Variants in KIAA1671 observed in about 807,000 individuals in gnomAD.
The protein encoded by KIAA1671 is KIAA1671.
In KIAA1671, 52 loss-of-function variants were observed where a neutral mutation model predicts 131.2. That is an observed-to-expected ratio of 0.40 (90% confidence interval 0.32 to 0.50). The LOEUF is 0.50. KIAA1671 is among the 20% of genes least tolerant of loss of function. The probability of loss-of-function intolerance (pLI) is 0.73; values close to 1 mark genes in which losing one functional copy is unlikely to be tolerated. For synonymous variants in KIAA1671, 1,003 were observed against 961.6 expected, an observed-to-expected ratio of 1.04 and a Z score of -0.80; for missense variants, 2,360 against 2,364.2, an observed-to-expected ratio of 1.00 and a Z score of 0.04.
At chr22:25,158,182 C>T (rs1471943566) in intron 6 of KIAA1671, among the ~76,000 whole-genome samples, 1 of 152,172 alleles carries the variant, frequency 6.6e-6, no homozygotes, top group Non-Finnish European at 1.5e-5. Flanking sequence ...ATTTTAAGGA[C>T]ATATATAAAA....
intron 1 of KIAA1671, among the ~76,000 whole-genome samples, chr22:24,974,007 C>G (rs1602036911): frequency 1.3e-5 from 2 of 152,268 alleles, no homozygotes; most frequent in East Asian, 3.9e-4. Context: ...CCAGCTGCAC[C>G]TCCTTTGGTG....
At chr22:25,185,209 A>G (rs922657696) in intron 11 of KIAA1671, 90 bp downstream of exon 11, 2 of 1,322,964 alleles carry the variant, frequency 1.5e-6, no homozygotes, top group South Asian at 1.6e-5. Context: ...AGAGCTGAAT[A>G]GAAGAGAGTT....
In KIAA1671 at chr22:25,126,543, G is replaced by A. The variant is rs375050934; in HGVS notation, c.4531-44277G>A. On this transcript the variant is annotated intron_variant, in intron 6 of 12. Transcript: ENST00000358431. ...TTTTAAATGAGCCCTAGGTGCCCAT[G>A]TAAACAGGTAGCTGAGGGGCATGAG... Among the ~76,000 whole-genome samples the A allele has an allele frequency of 8.5e-4, 130 of 152,354 alleles. 3 individuals are homozygous for A. In the South Asian group the frequency reaches 0.026, roughly 30 times the overall value.
chr22:25,113,542 C>T (rs1931495856), intron 6 of KIAA1671, among the ~76,000 whole-genome samples: 1 of 152,184 alleles, frequency 6.6e-6, no homozygotes, highest in Admixed American at 6.5e-5. Flanking sequence ...CCTCCCTACA[C>T]TCGAGGTGGC....
At chr22:25,095,870 C>T (rs1930370173) in intron 6 of KIAA1671, among the ~76,000 whole-genome samples, 1 of 152,242 alleles carries the variant, frequency 6.6e-6, no homozygotes, top group Non-Finnish European at 1.5e-5. Flanking sequence ...CTTGTTTCTG[C>T]TCCTGTTCTT....
At position 25,164,193 on chromosome 22, in the gene KIAA1671, A is replaced by G. The variant is rs553224129; in HGVS notation, c.4531-6627A>G. Among the ~76,000 whole-genome samples, 15 of 152,300 alleles carry G rather than the reference A, an allele frequency of 9.8e-5. No homozygotes were observed. The South Asian group carries it at 3.1e-3, about 32-fold the overall frequency. ...TCTCTTTCTGAGAGCCTCCTGATGC[A>G]TCATAGAAAAGGTGGGGCAGGTAGA... is the stretch of plus-strand genomic sequence containing the variant. On this transcript the variant is annotated intron_variant, in intron 6 of 12. Coordinates refer to ENST00000358431, the MANE Select transcript of KIAA1671 (RefSeq NM_001145206.2).
intron 7 of KIAA1671, among the ~76,000 whole-genome samples, chr22:25,172,040 G>A (rs1191693537): frequency 6.6e-6 from 1 of 151,810 alleles, no homozygotes; most frequent in East Asian, 1.9e-4. Flanking sequence ...GGAAAGCAAA[G>A]GTTTTTTACA....
intron 1 of KIAA1671, among the ~76,000 whole-genome samples, chr22:24,979,170 A>ATTTTTTTTTTTTTTTTT (rs71191010): frequency 3.7e-5 from 3 of 81,718 alleles, no homozygotes; most frequent in African/African-American, 1.7e-4. Context: ...TAATTTTTGT[A>ATTTTTTTTTTTTTTTTT]TTTTTTTTTT....
At chr22:25,042,715 C>T (rs986477140) in intron 5 of KIAA1671, among the ~76,000 whole-genome samples, 3 of 151,860 alleles carry the variant, frequency 2.0e-5, no homozygotes, top group East Asian at 1.9e-4. Context: ...CCTCGTGATC[C>T]GCCCACCTTG....
At chr22:25,155,935 AATAT>A (rs1205399917) in intron 6 of KIAA1671, among the ~76,000 whole-genome samples, 1 of 137,642 alleles carries the variant, frequency 7.3e-6, no homozygotes, top group African/African-American at 2.7e-5. Context: ...TATTTATATA[AATAT>A]ATATAAATAC....
chr22:25,170,598 C>T (rs918512429), intron 6 of KIAA1671, among the ~76,000 whole-genome samples: 5 of 152,160 alleles, frequency 3.3e-5, no homozygotes, highest in Admixed American at 2.0e-4. Context: ...CCAGTTGGCC[C>T]ACTTTTAGCA....
intron 6 of KIAA1671, among the ~76,000 whole-genome samples, chr22:25,071,238 C>T (rs1352006905): frequency 6.6e-6 from 1 of 152,160 alleles, no homozygotes; most frequent in African/African-American, 2.4e-5. Context: ...TTTCAGCACA[C>T]CCAAAAGGGA....
At chr22:25,164,364 G>A (rs184113620) in intron 6 of KIAA1671, among the ~76,000 whole-genome samples, 1 of 152,342 alleles carries the variant, frequency 6.6e-6, no homozygotes, top group East Asian at 1.9e-4. Context: ...TGAAAAGGAA[G>A]GGCCGACTGA....
At chr22:25,087,099 A>G (rs1335774562) in intron 6 of KIAA1671, among the ~76,000 whole-genome samples, 2 of 152,010 alleles carry the variant, frequency 1.3e-5, no homozygotes, top group Admixed American at 1.3e-4. Context: ...TGTGAGCCTC[A>G]GTTTTTCTCA....
intron 6 of KIAA1671, among the ~76,000 whole-genome samples, chr22:25,087,299 T>C (rs1929776871): frequency 6.6e-6 from 1 of 152,164 alleles, no homozygotes; most frequent in Non-Finnish European, 1.5e-5. Context: ...AAAAACTGTG[T>C]TCCTGCTGGG....
At chr22:25,133,952 G>A (rs2145949245) in intron 6 of KIAA1671, among the ~76,000 whole-genome samples, 1 of 152,340 alleles carries the variant, frequency 6.6e-6, no homozygotes, top group Middle Eastern at 3.4e-3. Flanking sequence ...ATACTGGCCT[G>A]AGAGGGCCTT....
intron 6 of KIAA1671, among the ~76,000 whole-genome samples, chr22:25,099,888 C>G (rs953163686): frequency 1.3e-5 from 2 of 152,162 alleles, no homozygotes; most frequent in East Asian, 1.9e-4. Flanking sequence ...ATATCCATGC[C>G]TGTTGCTGGG....
intron 6 of KIAA1671, among the ~76,000 whole-genome samples, chr22:25,073,338 G>A (rs1268867857): frequency 6.6e-6 from 1 of 152,156 alleles, no homozygotes; most frequent in African/African-American, 2.4e-5. Context: ...AAAGTGCTGG[G>A]ACTACAGGCG....
chr22:25,174,267 T>G lies in KIAA1671; in HGVS notation c.4677T>G (p.Ser1559Arg). 6.4e-7 allele frequency: 1 copy of G among 1,551,726 alleles called. No individual in the cohort carries two copies. Among genetic ancestry groups the G allele is most frequent in the South Asian group, 1.2e-5 (1 of 84,050 alleles). Residue 1559 changes from serine to arginine, a missense_variant, in exon 8 of 13, where the codon AGT becomes AGG. Ser to Arg is a moderately radical substitution (Grantham distance 110). Transcript: ENST00000358431. Reference protein sequence around the residue: ...ESLATESPDSSATSTRKQPPS... With the variant: ...ESLATESPDSRATSTRKQPPS... ...TGGCCACTGAGTCCCCAGATAGCAG[T>G]GCCACATCGACAAGGAAACAGCCCC... is the stretch of plus-strand genomic sequence containing the variant.
Sources: allele counts gnomAD v4.1 joint callset (sites outside exome capture counted in the v4.1 genomes callset), GRCh38; gene constraint gnomAD v4.1.1; transcripts MANE v1.5; gene names NCBI Gene and HGNC (gene_info 2026-07-23, HGNC 2026-07-21).